Variants in TNFSF4 observed in about 807,000 individuals in gnomAD.
TNFSF4 encodes tumor necrosis factor ligand superfamily member 4.
In TNFSF4, 4 loss-of-function variants were observed where a neutral mutation model predicts 7.3. The observed-to-expected ratio is 0.55, with a 90% confidence interval of 0.27 to 1.25. TNFSF4 has a LOEUF of 1.25. Ranked by LOEUF, TNFSF4 falls within the 50% of genes most tolerant of loss-of-function variation. The pLI, the probability that TNFSF4 is intolerant of heterozygous loss-of-function variation, is 0.12. For missense variants in TNFSF4, 181 were observed against 208.8 expected, an observed-to-expected ratio of 0.87 and a Z score of 0.82; for synonymous variants, 76 against 83.7, an observed-to-expected ratio of 0.91 and a Z score of 0.50.
At chr1:173,291,988 TA>T in the TNFSF4 span, among the ~76,000 whole-genome samples, 85 of 145,726 alleles carry the variant, frequency 5.8e-4, no homozygotes, top group South Asian at 1.0e-2. Flanking sequence ...AAATCAATAA[TA>T]AAAAAAAATC....
the TNFSF4 span, among the ~76,000 whole-genome samples, chr1:173,413,564 T>C: frequency 6.6e-6 from 1 of 152,112 alleles, no homozygotes. Flanking sequence ...GTGGAGGACT[T>C]GGTCATAGAA....
chr1:173,257,120 T>C, the TNFSF4 span, among the ~76,000 whole-genome samples: 1 of 152,352 alleles, frequency 6.6e-6, no homozygotes, highest in African/African-American at 2.4e-5. Context: ...ATGCTTCTAC[T>C]TCAGAAATCC....
the TNFSF4 span, among the ~76,000 whole-genome samples, chr1:173,272,733 G>A: frequency 0.21 from 32,105 of 152,046 alleles, 3,706 homozygotes; most frequent in Admixed American, 0.32. Flanking sequence ...ATGTTGCCAC[G>A]ACCTTTGCTC....
the TNFSF4 span, among the ~76,000 whole-genome samples, chr1:173,238,894 T>C: frequency 1.3e-5 from 2 of 152,086 alleles, no homozygotes; most frequent in Non-Finnish European, 2.9e-5. Context: ...AAAAAGGGTA[T>C]TAGATGAGCC....
chr1:173,376,677 A>C, the TNFSF4 span, among the ~76,000 whole-genome samples: 2 of 152,204 alleles, frequency 1.3e-5, no homozygotes, highest in Admixed American at 6.5e-5. Context: ...CACTCTGTAA[A>C]ATGGACCAAT....
At chr1:173,248,679 C>T in the TNFSF4 span, among the ~76,000 whole-genome samples, 2 of 152,158 alleles carry the variant, frequency 1.3e-5, no homozygotes, top group South Asian at 4.1e-4. Context: ...ACAAGAGAGG[C>T]AGGCGGGAGC....
chr1:173,262,802 G>A, the TNFSF4 span, among the ~76,000 whole-genome samples: 2 of 151,958 alleles, frequency 1.3e-5, no homozygotes, highest in South Asian at 2.1e-4. Flanking sequence ...GGGTTTCACC[G>A]TGTTAGCCAG....
At chr1:173,373,056 C>G in the TNFSF4 span, among the ~76,000 whole-genome samples, 1 of 152,112 alleles carries the variant, frequency 6.6e-6, no homozygotes, top group Non-Finnish European at 1.5e-5. Context: ...AGCCTTAGAA[C>G]GGAGAAAGGG....
At chr1:173,283,570 A>T in the TNFSF4 span, among the ~76,000 whole-genome samples, 1 of 152,172 alleles carries the variant, frequency 6.6e-6, no homozygotes, top group Non-Finnish European at 1.5e-5. Flanking sequence ...CAAGAATTGT[A>T]GACTATTGAA....
At chr1:173,272,734 AC>A in the TNFSF4 span, among the ~76,000 whole-genome samples, 1 of 152,094 alleles carries the variant, frequency 6.6e-6, no homozygotes, top group African/African-American at 2.4e-5. Context: ...TGTTGCCACG[AC>A]CTTTGCTCTT....
At chr1:173,329,825 CA>C in the TNFSF4 span, among the ~76,000 whole-genome samples, 1 of 148,054 alleles carries the variant, frequency 6.8e-6, no homozygotes, top group African/African-American at 2.5e-5. Flanking sequence ...GTCTCAACCA[CA>C]AAAAAAGAAA....
chr1:173,290,272 GC>G, the TNFSF4 span, among the ~76,000 whole-genome samples: 1 of 152,032 alleles, frequency 6.6e-6, no homozygotes, highest in African/African-American at 2.4e-5. Flanking sequence ...TGGGCTAAAT[GC>G]CCCACTTAAA....
At chr1:173,278,651 A>G in the TNFSF4 span, among the ~76,000 whole-genome samples, 155 of 152,264 alleles carry the variant, frequency 1.0e-3, no homozygotes, top group Admixed American at 8.0e-3. Context: ...AAGTGATTAT[A>G]TAAACATAGA....
At chr1:173,217,414 T>C in the TNFSF4 span, among the ~76,000 whole-genome samples, 2 of 152,348 alleles carry the variant, frequency 1.3e-5, no homozygotes, top group Non-Finnish European at 1.5e-5. Context: ...TTACTATTTC[T>C]AATTGAGCAA....
At chr1:173,427,428 C>T in the TNFSF4 span, among the ~76,000 whole-genome samples, 1 of 152,048 alleles carries the variant, frequency 6.6e-6, no homozygotes, top group Middle Eastern at 3.2e-3. Flanking sequence ...CCCCACTGAC[C>T]CCACAACAAA....
At chr1:173,413,002 C>T in the TNFSF4 span, among the ~76,000 whole-genome samples, 2 of 152,146 alleles carry the variant, frequency 1.3e-5, no homozygotes, top group Non-Finnish European at 2.9e-5. Context: ...TGGCTTGGGA[C>T]GGGGTCCTAT....
the TNFSF4 span, chr1:173,363,668 G>A: frequency 1.2e-5 from 4 of 338,714 alleles, no homozygotes; most frequent in South Asian, 1.3e-4. Context: ...TGCTGAACAG[G>A]CTTCCCTAAG....
At chr1:173,221,587 T>C in the TNFSF4 span, among the ~76,000 whole-genome samples, 1 of 152,198 alleles carries the variant, frequency 6.6e-6, no homozygotes, top group Non-Finnish European at 1.5e-5. Context: ...AGTAACTGTG[T>C]GGTGGTGCCA....
chr1:173,208,384 G>C (rs1046477545), upstream of TNFSF4, among the ~76,000 whole-genome samples: 2 of 152,112 alleles, frequency 1.3e-5, no homozygotes, highest in African/African-American at 4.8e-5. Context: ...AGAAAGGAGG[G>C]AGAAATATTT....
Sources: allele counts gnomAD v4.1 joint callset (sites outside exome capture counted in the v4.1 genomes callset), GRCh38; gene constraint gnomAD v4.1.1; transcripts MANE v1.5; gene names NCBI Gene and HGNC (gene_info 2026-07-23, HGNC 2026-07-21).